The following FEZ2 variants were observed in gnomAD, a reference collection of about 807,000 sequenced individuals.
FEZ2 encodes fasciculation and elongation protein zeta 2, also known as fasciculation and elongation protein zeta-2.
In FEZ2, 51 loss-of-function variants were observed where a neutral mutation model predicts 40.4. The observed-to-expected ratio is 1.26, with a 90% CI of 1.01 to 1.59. The LOEUF (loss-of-function observed/expected upper bound fraction) is 1.59. Ranked by LOEUF, FEZ2 falls within the 40% of genes most tolerant of loss-of-function variation. The probability of loss-of-function intolerance (pLI) is 0.00; values close to 1 mark genes in which losing one functional copy is unlikely to be tolerated. For synonymous variants in FEZ2, 242 were observed against 172.0 expected (o/e 1.41, Z -3.18); for missense variants, 640 against 438.3 (o/e 1.46, Z -4.11).
chr2:36,557,882 T>C (rs1381320377), intron 6 of FEZ2: 1 of 152,144 alleles, frequency 6.6e-6, no homozygotes, highest in Non-Finnish European at 1.5e-5. Flanking sequence ...AGGTGCATTA[T>C]CTTTGTCTGC....
At chr2:36,579,132 C>A in intron 4 of FEZ2, 1 of 397,346 alleles carries the variant, frequency 2.5e-6, no homozygotes. Flanking sequence ...TTTACTTGTG[C>A]AAATAAATCA....
chr2:36,585,380 G>A (rs1295173921), intron 2 of FEZ2, among the ~76,000 whole-genome samples: 1 of 152,178 alleles, frequency 6.6e-6, no homozygotes, highest in African/African-American at 2.4e-5. Context: ...AATAACAAGT[G>A]ACAAAGAGAA....
chr2:36,568,891 AATG>A (rs1668328009), intron 5 of FEZ2, among the ~76,000 whole-genome samples: 1 of 152,236 alleles, frequency 6.6e-6, no homozygotes, highest in Non-Finnish European at 1.5e-5. Flanking sequence ...CAGTAGCAAC[AATG>A]TATAAACAGG....
At chr2:36,569,830 G>C (rs848633) in intron 5 of FEZ2, among the ~76,000 whole-genome samples, 11,837 of 152,112 alleles carry the variant, frequency 0.078, 972 homozygotes, top group East Asian at 0.21. Context: ...CAATATCAAA[G>C]CTCAATGACA....
At chr2:36,588,925 G>A (rs891427887) in intron 2 of FEZ2, among the ~76,000 whole-genome samples, 1 of 151,988 alleles carries the variant, frequency 6.6e-6, no homozygotes, top group African/African-American at 2.4e-5. Flanking sequence ...TTGAAACTAT[G>A]AATGGAAACT....
intron 5 of FEZ2, among the ~76,000 whole-genome samples, chr2:36,572,624 T>C (rs1220312373): frequency 6.6e-6 from 1 of 152,184 alleles, no homozygotes; most frequent in Non-Finnish European, 1.5e-5. Flanking sequence ...TGAACATAGC[T>C]GTGTTCCAGT....
intron 5 of FEZ2, among the ~76,000 whole-genome samples, chr2:36,578,101 T>C (rs746133491): frequency 2.0e-5 from 3 of 152,226 alleles, no homozygotes; most frequent in Non-Finnish European, 4.4e-5. Flanking sequence ...TACCTTCTTG[T>C]ATTCCAACCT....
intron 1 of FEZ2, chr2:36,591,275 T>C: frequency 2.1e-6 from 1 of 469,554 alleles, no homozygotes; most frequent in Non-Finnish European, 3.9e-6. Flanking sequence ...ACACTTCCAT[T>C]ATATTAGGTG....
intron 2 of FEZ2, 135 bp downstream of exon 2, chr2:36,590,768 C>T: frequency 3.2e-6 from 2 of 631,978 alleles, no homozygotes; most frequent in Non-Finnish European, 5.7e-6. Flanking sequence ...GACATCAAGA[C>T]AGAGCCACCC....
At position 36,583,008 on chromosome 2, in the gene FEZ2, C is replaced by A. The variant is rs150047222; in HGVS notation, c.492+345G>T. On this transcript the variant is annotated intron_variant, in intron 3 of 7. Transcript: ENST00000405912. Reference sequence around the variant, plus strand: ...GGGTTTTGAAGATACTAAATAATTTCTACACAGATACTTTACAGTTTGTCC... The same window carrying A: ...GGGTTTTGAAGATACTAAATAATTTATACACAGATACTTTACAGTTTGTCC... Among the ~76,000 whole-genome samples the A allele has an allele frequency of 5.3e-4, 81 of 152,320 alleles. 1 individual carries two copies. In the East Asian group the frequency reaches 0.013, roughly 25 times the overall value.
Position 36,555,743 on chromosome 2 carries a change from G to A in FEZ2, c.985C>T (p.Arg329Cys), listed in dbSNP as rs848642. The change falls in exon 7 of 8, where the codon CGT becomes TGT. Residue 329 changes from arginine (R) to cysteine (C), a missense_variant. Arg to Cys is a radical substitution (Grantham distance 180, BLOSUM62 -3). Transcript: ENST00000405912. ...EDLQILTKILRAMKEDSEKVP... is the reference protein window; with the variant it reads ...EDLQILTKILCAMKEDSEKVP... Reference sequence around the variant, plus strand: ...TTTTCACTGTCCTCCTTCATGGCACGAAGAACTGCAAAATAGAAGAGGGGA... The same window carrying A: ...TTTTCACTGTCCTCCTTCATGGCACAAAGAACTGCAAAATAGAAGAGGGGA... The A allele has an allele frequency of 0.35, 542,071 of 1,557,788 alleles. 104,697 individuals are homozygous for A. Among genetic ancestry groups the A allele is most frequent in the East Asian group, 0.75 (33,376 of 44,420 alleles).
chr2:36,581,606 T>G, intron 3 of FEZ2, 175 bp from the exon 4 acceptor site: 1 of 584,054 alleles, frequency 1.7e-6, no homozygotes, highest in South Asian at 2.3e-5. Context: ...GGAGTGAACA[T>G]GGTTTATCAA....
chr2:36,576,949 C>G (rs1218571231), intron 5 of FEZ2, among the ~76,000 whole-genome samples: 1 of 152,160 alleles, frequency 6.6e-6, no homozygotes, highest in African/African-American at 2.4e-5. Context: ...TCCCTAAAAG[C>G]AAATAGGCAG....
At chr2:36,597,515 A>C (rs1669261305) in intron 1 of FEZ2, among the ~76,000 whole-genome samples, 1 of 152,174 alleles carries the variant, frequency 6.6e-6, no homozygotes, top group African/African-American at 2.4e-5. Context: ...GGTGCTTAAT[A>C]AATGCGACTT....
intron 2 of FEZ2, among the ~76,000 whole-genome samples, chr2:36,587,792 A>T (rs897734354): frequency 6.6e-6 from 1 of 152,114 alleles, no homozygotes; most frequent in East Asian, 1.9e-4. Flanking sequence ...TCACTTTGCC[A>T]GATTAAAAAA....
At chr2:36,591,347 G>C in intron 1 of FEZ2, 1 of 211,534 alleles carries the variant, frequency 4.7e-6, no homozygotes, top group Non-Finnish European at 9.4e-6. Flanking sequence ...AACAACATTA[G>C]AAGGGGGAAC....
chr2:36,571,266 G>C (rs1668401907), intron 5 of FEZ2, among the ~76,000 whole-genome samples: 1 of 152,132 alleles, frequency 6.6e-6, no homozygotes, highest in Non-Finnish European at 1.5e-5. Context: ...CATGCTAATA[G>C]TAATTCTTAG....
At chr2:36,561,150 CAT>C (rs1668082672) in intron 5 of FEZ2, among the ~76,000 whole-genome samples, 1 of 152,222 alleles carries the variant, frequency 6.6e-6, no homozygotes, top group Non-Finnish European at 1.5e-5. Context: ...AAGTTGTACA[CAT>C]ATTTGTTCTA....
intron 6 of FEZ2, 61 bp from the exon 7 acceptor site, chr2:36,555,809 T>C (rs930411508): frequency 1.0e-6 from 1 of 956,000 alleles, no homozygotes; most frequent in Non-Finnish European, 1.6e-6. Context: ...AAATATTATT[T>C]AATTTCAATC....
Sources: gnomAD v4.1 joint callset for allele counts (sites outside exome capture counted in the v4.1 genomes callset) on GRCh38, gnomAD v4.1.1 for gene constraint, MANE v1.5 for transcripts, NCBI Gene and HGNC (gene_info 2026-07-23, HGNC 2026-07-21) for gene names.